DYNC2H1: variants seen among roughly 807,000 people sequenced by gnomAD.
The protein encoded by DYNC2H1 is dynein cytoplasmic 2 heavy chain 1.
A neutral mutation model predicts 570.0 loss-of-function variants in DYNC2H1; 410 were observed. The ratio of observed to expected loss-of-function variants is 0.72; its 90% confidence interval spans 0.66 to 0.78. The LOEUF (loss-of-function observed/expected upper bound fraction) is 0.78. Ranked by LOEUF, DYNC2H1 falls within the 30% of genes least tolerant of loss-of-function variation. The pLI is 0.00. For missense variants in DYNC2H1, 4,865 were observed against 5,046.4 expected, an observed-to-expected ratio of 0.96 and a Z score of 1.09; for synonymous variants, 1,688 against 1,677.6, an observed-to-expected ratio of 1.01 and a Z score of -0.15.
chr11:103,133,809 A>C lies in DYNC2H1; in HGVS notation c.2106+102A>C. 1.6e-6 allele frequency: 2 copies of C among 1,231,030 alleles called. No homozygotes were observed. Among genetic ancestry groups the C allele is most frequent in the South Asian group, 3.4e-5 (2 of 58,784 alleles). 76.3% of individuals were successfully genotyped at this position (1,231,030 alleles called of 1,614,324 possible). ...CTTATTTTGAAATAATTTGAGACTT[A>C]AAGTTACAAAAATAGTACAGAGAAA... is the stretch of plus-strand genomic sequence containing the variant. On this transcript the variant is annotated intron_variant, in intron 14 of 88. Transcript: ENST00000375735. This position sits in a 1 kb window ranked among gnomAD's most constrained non-coding sequence, Gnocchi z 4.8.
chr11:103,126,372 G>C (rs11225557), intron 12 of DYNC2H1, among the ~76,000 whole-genome samples: 1 of 152,268 alleles, frequency 6.6e-6, no homozygotes, highest in South Asian at 2.1e-4. Flanking sequence ...AATATCTCTA[G>C]ATATTGCCAA....
At chr11:103,135,999 G>T (rs1270447693) in intron 17 of DYNC2H1, 51 bp downstream of exon 17, 173 of 1,407,996 alleles carry the variant, frequency 1.2e-4, no homozygotes, top group Non-Finnish European at 1.5e-4. Context: ...ATTTCTGATT[G>T]ATTGAATTTA....
intron 38 of DYNC2H1, 89 bp from the exon 39 acceptor site, chr11:103,178,937 G>A: frequency 5.5e-6 from 7 of 1,283,336 alleles, no homozygotes; most frequent in Non-Finnish European, 7.4e-6. Flanking sequence ...AAATTCATAT[G>A]AAAATTAAGA....
In DYNC2H1 at chr11:103,275,658, G is replaced by A. The variant is rs1026361230; in HGVS notation, c.10696-4690G>A. On this transcript the variant is annotated intron_variant, in intron 70 of 88. Transcript: ENST00000375735. This position sits in a 1 kb window ranked among gnomAD's most constrained non-coding sequence, Gnocchi z 4.8. ...TGTCTTCTTTCACTTACTATTGTAC[G>A]TTTAAGGTTCTTTCATGTTTTTTTC... 2.0e-5 allele frequency among the ~76,000 whole-genome samples: 3 copies of A among 151,894 alleles called. No individual in the cohort carries two copies. The highest frequency in any genetic ancestry group is 4.4e-5 in the Non-Finnish European group (3 of 67,980).
chr11:103,198,391 G>C lies in DYNC2H1; in HGVS notation c.7839+328G>C, dbSNP rs113541233. On this transcript the variant is annotated intron_variant, in intron 48 of 88. Coordinates refer to ENST00000375735, the MANE Select transcript of DYNC2H1 (RefSeq NM_001377.3). ...TCATGTAGAGATTAGAAAATATGCA[G>C]ATTCCTGGGTCTCATCCTCTTAAGT... 0.012 allele frequency among the ~76,000 whole-genome samples: 1,791 copies of C among 152,248 alleles called. 21 individuals are homozygous for C. Among genetic ancestry groups the C allele is most frequent in the Middle Eastern group, 0.071 (21 of 294 alleles).
At chr11:103,414,071 A>G (rs1017485144) in intron 84 of DYNC2H1, among the ~76,000 whole-genome samples, 2 of 151,924 alleles carry the variant, frequency 1.3e-5, no homozygotes, top group Non-Finnish European at 2.9e-5. Flanking sequence ...AAGTCATAAC[A>G]CAATGATAAA....
At chr11:103,113,810 A>G in intron 2 of DYNC2H1, 103 bp downstream of exon 2, 1 of 953,270 alleles carries the variant, frequency 1.0e-6, no homozygotes, top group Non-Finnish European at 1.4e-6. Context: ...GTAGTGTTTT[A>G]ATTTTAATTA....
chr11:103,148,072 C>T (rs1354045083), intron 19 of DYNC2H1, among the ~76,000 whole-genome samples, 185 bp downstream of exon 19: 1 of 152,058 alleles, frequency 6.6e-6, no homozygotes, highest in Non-Finnish European at 1.5e-5. Context: ...TATTTGCAGT[C>T]TGAGCTAGTA....
Position 103,109,472 on chromosome 11 carries a change from G to A in DYNC2H1, c.-103G>A, listed in dbSNP as rs960530113. On this transcript the variant is annotated 5_prime_UTR_variant, in exon 1 of 89. Transcript: ENST00000375735. ...CGCGAAGCTCTGCGGTCCCGCGGTCGGGCTACGGGTTTGAGCAAAGCTCCT... is the reference window on the plus strand; with the variant it reads ...CGCGAAGCTCTGCGGTCCCGCGGTCAGGCTACGGGTTTGAGCAAAGCTCCT... The A allele has an allele frequency of 3.3e-5, 37 of 1,138,248 alleles. No individual in the cohort carries two copies. The African/African-American group carries it at 4.8e-4, about 15-fold the overall frequency. 70.5% of individuals were successfully genotyped at this position (1,138,248 alleles called of 1,614,324 possible).
chr11:103,282,427 G>A (rs1866178580), intron 72 of DYNC2H1, among the ~76,000 whole-genome samples, 198 bp downstream of exon 72: 1 of 151,950 alleles, frequency 6.6e-6, no homozygotes, highest in East Asian at 1.9e-4. Flanking sequence ...CATATATTCT[G>A]AGAATAATAT....
intron 82 of DYNC2H1, among the ~76,000 whole-genome samples, chr11:103,341,028 G>A (rs922910793): frequency 6.6e-6 from 1 of 152,060 alleles, no homozygotes; most frequent in Non-Finnish European, 1.5e-5. Flanking sequence ...AACATGATTG[G>A]TGGAACCTTT....
intron 10 of DYNC2H1, among the ~76,000 whole-genome samples, chr11:103,121,759 C>G (rs1273444523): frequency 6.6e-6 from 1 of 151,988 alleles, no homozygotes; most frequent in Non-Finnish European, 1.5e-5. Flanking sequence ...GGAAAACATC[C>G]TTTATGCTGA....
intron 63 of DYNC2H1, among the ~76,000 whole-genome samples, chr11:103,240,710 C>T (rs1429806053): frequency 1.3e-5 from 2 of 151,992 alleles, no homozygotes; most frequent in Non-Finnish European, 2.9e-5. Flanking sequence ...ATCATTATAC[C>T]AGCTGGTTCC....
At chr11:103,468,774 A>C (rs936156495) in intron 88 of DYNC2H1, 69 bp downstream of exon 88, 6 of 1,261,948 alleles carry the variant, frequency 4.8e-6, no homozygotes, top group African/African-American at 1.5e-5. Context: ...CTTTTCAAGA[A>C]GACATTCTTG....
At chr11:103,272,239 A>C (rs654420) in intron 70 of DYNC2H1, among the ~76,000 whole-genome samples, 8,508 of 152,324 alleles carry the variant, frequency 0.056, 315 homozygotes, top group Middle Eastern at 0.13. Context: ...AATACTATGC[A>C]GCCATAAAAA....
intron 78 of DYNC2H1, among the ~76,000 whole-genome samples, chr11:103,311,527 A>T (rs1188725318): frequency 6.6e-6 from 1 of 152,024 alleles, no homozygotes; most frequent in Non-Finnish European, 1.5e-5. Context: ...AAACTCAAAT[A>T]CCTGTCCCAT....
intron 83 of DYNC2H1, among the ~76,000 whole-genome samples, chr11:103,379,097 T>C (rs1365880053): frequency 6.6e-6 from 1 of 152,178 alleles, no homozygotes; most frequent in African/African-American, 2.4e-5. Context: ...TGCTCTTTTT[T>C]AGCTCTGAAA....
chr11:103,176,915 A>G (rs1565369319), intron 37 of DYNC2H1, among the ~76,000 whole-genome samples: 1 of 152,100 alleles, frequency 6.6e-6, no homozygotes, highest in Non-Finnish European at 1.5e-5. Flanking sequence ...CATGTTGGCC[A>G]GGCTGGTCTC....
Position 103,187,555 on chromosome 11 carries a change from G to T in DYNC2H1, c.7109G>T (p.Gly2370Val), listed in dbSNP as rs1490723707. Residue 2370 changes from glycine to valine, a missense_variant, in exon 43 of 89, where the codon GGG becomes GTG. Gly to Val is a moderately radical substitution (Grantham distance 109). Coordinates refer to ENST00000375735, the MANE Select transcript of DYNC2H1 (RefSeq NM_001377.3). ...DINLPKLDKW[G>V]TSTLVAFLQQ... ...AACCTACCTAAACTTGATAAATGGG[G>T]GACCAGTACTTTGGTAGCATTCCTA... is the stretch of plus-strand genomic sequence containing the variant. 6.2e-7 allele frequency: 1 copy of T among 1,612,848 alleles called. No individual in the cohort carries two copies. Among genetic ancestry groups the T allele is most frequent in the Non-Finnish European group, 8.5e-7 (1 of 1,179,360 alleles).
Sources: allele counts gnomAD v4.1 joint callset (sites outside exome capture counted in the v4.1 genomes callset), GRCh38; gene constraint gnomAD v4.1.1; non-coding constraint Gnocchi (gnomAD v3.1); transcripts MANE v1.5; gene names NCBI Gene and HGNC (gene_info 2026-07-23, HGNC 2026-07-21).